Variants in ELMO1 observed in about 807,000 individuals in gnomAD.
The protein encoded by ELMO1 is engulfment and cell motility 1.
A neutral mutation model predicts 98.9 loss-of-function variants in ELMO1; 26 were observed. That is an observed-to-expected ratio of 0.26 (90% CI 0.19 to 0.36). The LOEUF (loss-of-function observed/expected upper bound fraction) is 0.36, where lower values mean the gene tolerates loss of function less well. Ranked by LOEUF, ELMO1 falls within the 10% of genes least tolerant of loss-of-function variation. The probability of loss-of-function intolerance (pLI) is 1.00; values close to 1 mark genes in which losing one functional copy is unlikely to be tolerated. For missense variants in ELMO1, 627 were observed against 935.2 expected, an observed-to-expected ratio of 0.67 and a Z score of 4.30; for synonymous variants, 346 against 346.0, an observed-to-expected ratio of 1.00 and a Z score of 0.00.
Position 37,020,098 on chromosome 7 carries a change from G to C in ELMO1, c.1301-6663C>G, listed in dbSNP as rs540089297. Among the ~76,000 whole-genome samples the C allele has an allele frequency of 2.0e-5, 3 of 152,310 alleles. No homozygotes were observed. The South Asian group carries it at 6.2e-4, about 32-fold the overall frequency. On this transcript the variant is annotated intron_variant, in intron 15 of 21. Coordinates refer to ENST00000310758, the MANE Select transcript of ELMO1 (RefSeq NM_014800.11). ...AAACAAGCAATGAAAAATGAGCGTA[G>C]GGAATGGGTCTAGAGCTGACCATAA...
intron 19 of ELMO1, among the ~76,000 whole-genome samples, chr7:36,874,599 T>C (rs1803789980): frequency 6.6e-6 from 1 of 152,214 alleles, no homozygotes; most frequent in Non-Finnish European, 1.5e-5. Flanking sequence ...CCACAGTGCC[T>C]CCCTGTGTCG....
chr7:37,072,130 CAA>C (rs1376149839), intron 15 of ELMO1, among the ~76,000 whole-genome samples: 2 of 152,148 alleles, frequency 1.3e-5, no homozygotes, highest in Non-Finnish European at 2.9e-5. Flanking sequence ...ATTCAAAAAA[CAA>C]AGAGTGTTAA....
intron 1 of ELMO1, among the ~76,000 whole-genome samples, chr7:37,418,245 C>G (rs1437716335): frequency 1.3e-5 from 2 of 152,144 alleles, no homozygotes; most frequent in Non-Finnish European, 2.9e-5. Context: ...GAGATTGCTA[C>G]AGATAGAAAG....
At position 36,867,196 on chromosome 7, in the gene ELMO1, C is replaced by T. The variant is rs181033930; in HGVS notation, c.1905+3197G>A. ...CATCCATCCATCATTCTCCAGCTGT[C>T]CATCCATCATCCATCTATCCATCAT... On this transcript the variant is annotated intron_variant, in intron 20 of 21. Transcript: ENST00000310758. Among the ~76,000 whole-genome samples, 5 of 152,238 alleles carry T rather than the reference C, an allele frequency of 3.3e-5. No individual in the cohort carries two copies. The East Asian group carries it at 9.6e-4, about 29-fold the overall frequency.
At chr7:37,183,562 GA>G (rs1219062909) in intron 13 of ELMO1, among the ~76,000 whole-genome samples, 1 of 7,166 alleles carries the variant, frequency 1.4e-4, no homozygotes, top group East Asian at 3.4e-3. Flanking sequence ...ACCCAGAAGA[GA>G]GAGAGAGAAA....
intron 15 of ELMO1, among the ~76,000 whole-genome samples, chr7:37,076,273 C>T (rs1244348833): frequency 6.6e-6 from 1 of 152,134 alleles, no homozygotes; most frequent in Non-Finnish European, 1.5e-5. Context: ...AAAGCCTCCA[C>T]AACCACATCT....
At chr7:36,944,522 G>T (rs1407714696) in intron 16 of ELMO1, among the ~76,000 whole-genome samples, 1 of 152,176 alleles carries the variant, frequency 6.6e-6, no homozygotes, top group Non-Finnish European at 1.5e-5. Flanking sequence ...AGCAAAAGAT[G>T]ATTCATTATT....
At chr7:36,914,206 T>C (rs1319938122) in intron 16 of ELMO1, among the ~76,000 whole-genome samples, 1 of 152,206 alleles carries the variant, frequency 6.6e-6, no homozygotes, top group Non-Finnish European at 1.5e-5. Context: ...CTGACCTGAG[T>C]GTCAGCTGAA....
intron 4 of ELMO1, among the ~76,000 whole-genome samples, chr7:37,303,862 C>G (rs969179804): frequency 2.0e-5 from 3 of 152,158 alleles, no homozygotes; most frequent in African/African-American, 7.2e-5. Flanking sequence ...AGCTAGGGAG[C>G]CTAAGCTACA....
At chr7:36,975,511 T>C (rs1790451090) in intron 16 of ELMO1, among the ~76,000 whole-genome samples, 1 of 151,828 alleles carries the variant, frequency 6.6e-6, no homozygotes, top group Non-Finnish European at 1.5e-5. Context: ...TGAAATAGTT[T>C]CAAAGAATAT....
At position 36,968,602 on chromosome 7, in the gene ELMO1, T is replaced by G. The variant is rs149829795; in HGVS notation, c.1437+44697A>C. 5.9e-5 allele frequency among the ~76,000 whole-genome samples: 9 copies of G among 152,340 alleles called. No individual in the cohort carries two copies. In the East Asian group the frequency reaches 1.7e-3, roughly 29 times the overall value. ...TCAGCTCTATGTCTCTATGTCATTT[T>G]CAATTAAATTTTGTTAATTCTTACA... is the stretch of plus-strand genomic sequence containing the variant. On this transcript the variant is annotated intron_variant, in intron 16 of 21. Transcript: ENST00000310758.
chr7:37,131,649 A>G (rs770091063), intron 14 of ELMO1, among the ~76,000 whole-genome samples: 3 of 152,216 alleles, frequency 2.0e-5, no homozygotes, highest in Non-Finnish European at 4.4e-5. Flanking sequence ...ACAAAAGCAG[A>G]TTACATTATT....
chr7:37,285,599 T>C (rs1797353622), intron 4 of ELMO1, among the ~76,000 whole-genome samples: 1 of 152,164 alleles, frequency 6.6e-6, no homozygotes, highest in Admixed American at 6.5e-5. Flanking sequence ...ATATAGAATA[T>C]AATGTGTGTT....
At chr7:37,222,757 C>A in intron 9 of ELMO1, 64 bp from the exon 10 acceptor site, 3 of 1,496,784 alleles carry the variant, frequency 2.0e-6, no homozygotes, top group South Asian at 2.4e-5. Flanking sequence ...AGCCCTGGGT[C>A]AAACCATGAA....
chr7:36,911,462 T>C (rs1334187981), intron 16 of ELMO1, among the ~76,000 whole-genome samples: 1 of 152,282 alleles, frequency 6.6e-6, no homozygotes, highest in East Asian at 1.9e-4. Context: ...AGGCTGTAAA[T>C]GCTTGCTCTT....
intron 13 of ELMO1, among the ~76,000 whole-genome samples, chr7:37,202,642 C>T (rs1792362019): frequency 6.6e-6 from 1 of 152,316 alleles, no homozygotes; most frequent in African/African-American, 2.4e-5. Context: ...TATAATACTT[C>T]CCCTGTGAAT....
At chr7:36,936,499 C>T (rs1786546129) in intron 16 of ELMO1, among the ~76,000 whole-genome samples, 1 of 152,076 alleles carries the variant, frequency 6.6e-6, no homozygotes, top group Non-Finnish European at 1.5e-5. Flanking sequence ...GCTCTGTTGC[C>T]CAGACTGGAG....
intron 1 of ELMO1, among the ~76,000 whole-genome samples, chr7:37,444,243 A>G (rs1057045459): frequency 6.6e-6 from 1 of 152,226 alleles, no homozygotes; most frequent in Non-Finnish European, 1.5e-5. Context: ...TGTCTTTGTA[A>G]TTAGAATCAT....
chr7:37,213,121 G>A (rs568720694), intron 12 of ELMO1, among the ~76,000 whole-genome samples: 2 of 152,236 alleles, frequency 1.3e-5, no homozygotes, highest in South Asian at 4.1e-4. Context: ...GAAAGAACAT[G>A]CATGTTTGGA....
Sources: allele counts gnomAD v4.1 joint callset (sites outside exome capture counted in the v4.1 genomes callset), GRCh38; gene constraint gnomAD v4.1.1; transcripts MANE v1.5; gene names NCBI Gene and HGNC (gene_info 2026-07-23, HGNC 2026-07-21).